The following YWHAE variants were observed in gnomAD, a reference collection of about 807,000 sequenced individuals.
YWHAE encodes 14-3-3 protein epsilon.
YWHAE carries 4 observed loss-of-function variants against 30.1 expected under a neutral mutation model. The ratio of observed to expected loss-of-function variants is 0.13; its 90% CI spans 0.07 to 0.30. The LOEUF (loss-of-function observed/expected upper bound fraction) is 0.30, where lower values mean the gene tolerates loss of function less well. Among genes scored for constraint, YWHAE ranks in the 10% least tolerant of loss-of-function variants. The pLI, the probability that YWHAE is intolerant of heterozygous loss-of-function variation, is 1.00. For synonymous variants in YWHAE, 118 were observed against 111.8 expected (o/e 1.06, Z -0.35); for missense variants, 121 against 315.9 (o/e 0.38, Z 4.68).
At chr17:1,354,570 G>A (rs1044919956) in intron 4 of YWHAE, among the ~76,000 whole-genome samples, 17 of 152,140 alleles carry the variant, frequency 1.1e-4, no homozygotes, top group African/African-American at 3.4e-4. Flanking sequence ...TATACATATC[G>A]ACTAATAAAA....
At chr17:1,397,178 C>T (rs2073487094) in intron 1 of YWHAE, among the ~76,000 whole-genome samples, 1 of 152,208 alleles carries the variant, frequency 6.6e-6, no homozygotes, top group African/African-American at 2.4e-5. Context: ...GGATTACAGG[C>T]GTGAGCCACC....
At chr17:1,358,835 A>C (rs1341923899) in intron 4 of YWHAE, among the ~76,000 whole-genome samples, 1 of 150,192 alleles carries the variant, frequency 6.7e-6, no homozygotes, top group East Asian at 2.0e-4. Flanking sequence ...ATCTTAAAAA[A>C]AAAAAAAAAA....
intron 1 of YWHAE, among the ~76,000 whole-genome samples, chr17:1,369,133 A>G (rs1264097070): frequency 1.3e-5 from 2 of 152,234 alleles, no homozygotes; most frequent in Non-Finnish European, 2.9e-5. Context: ...TGGTAAAATT[A>G]TAGAAGCAAC....
At chr17:1,350,602 T>C (rs1380299285) in intron 5 of YWHAE, among the ~76,000 whole-genome samples, 1 of 151,118 alleles carries the variant, frequency 6.6e-6, no homozygotes, top group African/African-American at 2.4e-5. Context: ...CCACCACACC[T>C]GGCTAATTTT....
intron 4 of YWHAE, among the ~76,000 whole-genome samples, chr17:1,357,529 G>A (rs1044055902): frequency 2.0e-5 from 3 of 151,746 alleles, no homozygotes; most frequent in Non-Finnish European, 4.4e-5. Context: ...TCAGTGAGCT[G>A]AGATCACGCC....
intron 1 of YWHAE, among the ~76,000 whole-genome samples, chr17:1,385,653 A>G (rs1428510827): frequency 6.6e-6 from 1 of 152,156 alleles, no homozygotes; most frequent in African/African-American, 2.4e-5. Flanking sequence ...GAGGGAAGGA[A>G]GGAAGACGGA....
intron 1 of YWHAE, chr17:1,369,873 T>C (rs75795213): frequency 1.5e-5 from 2 of 137,692 alleles, no homozygotes; most frequent in African/African-American, 5.8e-5. Flanking sequence ...CTGTACATAA[T>C]TTAAAAACAC....
chr17:1,352,092 T>G (rs1279901331), intron 5 of YWHAE: 2 of 151,984 alleles, frequency 1.3e-5, no homozygotes, highest in Non-Finnish European at 2.9e-5. Context: ...ATAGGACAGA[T>G]TTTCCAGCTG....
intron 1 of YWHAE, among the ~76,000 whole-genome samples, chr17:1,394,453 A>C (rs1007367549): frequency 2.0e-5 from 3 of 150,274 alleles, no homozygotes; most frequent in Non-Finnish European, 3.0e-5. Flanking sequence ...AAAAAAAAAA[A>C]AAAAAAAACA....
chr17:1,391,078 T>C (rs1346450974), intron 1 of YWHAE, among the ~76,000 whole-genome samples: 2 of 152,164 alleles, frequency 1.3e-5, no homozygotes, highest in African/African-American at 4.8e-5. Flanking sequence ...AGGTCTATTA[T>C]ATTTTTAAAC....
chr17:1,354,363 T>A lies in YWHAE; in HGVS notation c.579-16A>T. The A allele has an allele frequency of 3.1e-6, 5 of 1,605,700 alleles. No individual in the cohort carries two copies. Among genetic ancestry groups the A allele is most frequent in the South Asian group, 1.1e-5 (1 of 89,090 alleles). On this transcript the variant is annotated splice_polypyrimidine_tract_variant and intron_variant, in intron 4 of 5. Coordinates refer to ENST00000264335, the MANE Select transcript of YWHAE (RefSeq NM_006761.5). The stretch of plus-strand genomic sequence containing the variant: ...TTTTGCCAACCTAAAGGTATTTCAA[T>A]AGAAGTGTTATAAAAATTAAGTCCA...
chr17:1,365,193 T>C (rs1192277117), intron 1 of YWHAE, 135 bp from the exon 2 acceptor site: 15 of 1,031,732 alleles, frequency 1.5e-5, no homozygotes, highest in Non-Finnish European at 1.9e-5. Flanking sequence ...TCATCAAAAC[T>C]AATATGAGTA....
At position 1,399,616 on chromosome 17, in the gene YWHAE, T is replaced by G. The variant is rs559659614; in HGVS notation, c.64+431A>C. On this transcript the variant is annotated intron_variant, in intron 1 of 5. Transcript: ENST00000264335. ...GGCGCCCGCGCTACAGCTCCCGGTC[T>G]TCGCTCTCTCCCATGTGGCGGGTGC... 1.6e-3 allele frequency: 346 copies of G among 215,458 alleles called. 4 individuals are homozygous for G. The highest frequency in any genetic ancestry group is 7.7e-3 in the African/African-American group (329 of 42,722). The allele number at this position is 215,458 out of a possible 1,614,324, so 13.3% of individuals were successfully genotyped here. A position where few individuals can be genotyped will look rare whatever the true frequency, so the allele number is the denominator to read the frequency against.
chr17:1,390,195 AC>A (rs1392276895), intron 1 of YWHAE, among the ~76,000 whole-genome samples: 3 of 152,202 alleles, frequency 2.0e-5, no homozygotes, highest in African/African-American at 7.2e-5. Context: ...AAAAGGTGTT[AC>A]GTTTGCTAAG....
chr17:1,366,699 T>C (rs867777279), intron 1 of YWHAE, among the ~76,000 whole-genome samples: 1 of 149,740 alleles, frequency 6.7e-6, no homozygotes, highest in Non-Finnish European at 1.5e-5. Context: ...TCTCAGCACT[T>C]TGGGAGGCCA....
At chr17:1,394,436 CAAAAA>C (rs544115909) in intron 1 of YWHAE, among the ~76,000 whole-genome samples, 92 of 58,546 alleles carry the variant, frequency 1.6e-3, no homozygotes, top group South Asian at 0.014. Context: ...CTCAAATCCA[CAAAAA>C]AAAAAAAAAA....
In YWHAE at chr17:1,395,093, G is replaced by GAAAA. The variant is rs559792867; in HGVS notation, c.64+4950_64+4953dup. Reference sequence around the variant, plus strand: ...ATCAGTCACCCTTACAGTCATCCATGAAAAAAAAAAACAATCAGGCCGGGT... The same window carrying GAAAA: ...ATCAGTCACCCTTACAGTCATCCATGAAAAAAAAAAAAAAACAATCAGGCCGGGT... On this transcript the variant is annotated intron_variant, in intron 1 of 5. Transcript: ENST00000264335. 1.4e-5 allele frequency among the ~76,000 whole-genome samples: 2 copies of GAAAA among 145,234 alleles called. 1 individual carries two copies. The highest frequency in any genetic ancestry group is 4.3e-4 in the South Asian group (2 of 4,606).
intron 5 of YWHAE, among the ~76,000 whole-genome samples, chr17:1,353,522 G>A (rs1025903356): frequency 6.6e-6 from 1 of 151,974 alleles, no homozygotes; most frequent in African/African-American, 2.4e-5. Context: ...CTGCACTTTG[G>A]GAGGCTGAGG....
intron 1 of YWHAE, 164 bp downstream of exon 1, chr17:1,399,883 C>G (rs2073541027): frequency 2.5e-6 from 2 of 794,896 alleles, no homozygotes; most frequent in Admixed American, 2.0e-5. Context: ...GGGCATAGAG[C>G]CTCCCATCGC....
Sources: gnomAD v4.1 joint callset for allele counts (sites outside exome capture counted in the v4.1 genomes callset) on GRCh38, gnomAD v4.1.1 for gene constraint, MANE v1.5 for transcripts, NCBI Gene and HGNC (gene_info 2026-07-23, HGNC 2026-07-21) for gene names.